ATRX: variants seen among roughly 807,000 people sequenced by gnomAD.
ATRX encodes chromatin remodeler ATRX.
Under a neutral mutation model 172.6 loss-of-function variants are expected in ATRX, and 12 were observed. The ratio of observed to expected loss-of-function variants is 0.07; its 90% CI spans 0.04 to 0.11. The LOEUF (loss-of-function observed/expected upper bound fraction) is 0.11. ATRX is among the 10% of genes least tolerant of loss of function. The pLI, the probability that ATRX is intolerant of heterozygous loss-of-function variation, is 1.00. For missense variants in ATRX, 1,368 were observed against 1,767.4 expected (o/e 0.77, Z 4.05); for synonymous variants, 674 against 594.7 (o/e 1.13, Z -1.94).
At chrX:77,624,353 C>T (rs1449082989) in intron 19 of ATRX, among the ~76,000 whole-genome samples, 1 of 109,645 alleles carries the variant, frequency 9.1e-6, no homozygotes, top group Non-Finnish European at 1.9e-5. Flanking sequence ...GGCGACAGAG[C>T]GAGACTCCAT....
chrX:77,753,391 T>G (rs1470381143), intron 1 of ATRX, among the ~76,000 whole-genome samples: 4 of 111,214 alleles, frequency 3.6e-5, no homozygotes, highest in Admixed American at 1.9e-4. Context: ...ATGGTCTATT[T>G]TGTTAATCTT....
At chrX:77,670,754 CAA>C (rs1184577252) in intron 10 of ATRX, among the ~76,000 whole-genome samples, 5 of 62,858 alleles carry the variant, frequency 8.0e-5, no homozygotes, top group African/African-American at 1.2e-4. Context: ...GACTCTGTCT[CAA>C]AAAAAAAAAA....
chrX:77,738,721 G>A (rs1679690155), intron 1 of ATRX, among the ~76,000 whole-genome samples: 1 of 107,992 alleles, frequency 9.3e-6, no homozygotes, highest in Admixed American at 1.0e-4. Context: ...GCGCCCCAAC[G>A]CCCGGCTAAT....
intron 34 of ATRX, among the ~76,000 whole-genome samples, chrX:77,509,476 G>A (rs1470168920): frequency 1.8e-5 from 2 of 111,971 alleles, no homozygotes; most frequent in Non-Finnish European, 3.8e-5. Context: ...AAAATCAGGT[G>A]AGCAATCACT....
At chrX:77,646,619 A>T (rs782547095) in intron 15 of ATRX, among the ~76,000 whole-genome samples, 1 of 111,809 alleles carries the variant, frequency 8.9e-6, no homozygotes. Flanking sequence ...TAGGACTCGA[A>T]TAACACTATA....
intron 27 of ATRX, among the ~76,000 whole-genome samples, chrX:77,582,432 G>A (rs1557074595): frequency 9.2e-6 from 1 of 109,143 alleles, no homozygotes; most frequent in Admixed American, 9.8e-5. Context: ...AAAAAGAAGA[G>A]AAGAGAAGAA....
intron 1 of ATRX, among the ~76,000 whole-genome samples, chrX:77,736,375 A>G (rs1439879261): frequency 8.9e-6 from 1 of 112,541 alleles, no homozygotes. Flanking sequence ...ACAGAATAAA[A>G]ATCTAATAAT....
At chrX:77,583,819 A>C (rs2065914806) in intron 27 of ATRX, among the ~76,000 whole-genome samples, 1 of 111,668 alleles carries the variant, frequency 9.0e-6, no homozygotes, top group African/African-American at 3.3e-5. Flanking sequence ...ACAAGAAATA[A>C]GGGGCATCAA....
At chrX:77,539,639 A>C (rs1305151973) in intron 30 of ATRX, among the ~76,000 whole-genome samples, 2 of 111,711 alleles carry the variant, frequency 1.8e-5, no homozygotes, top group Non-Finnish European at 3.8e-5. Flanking sequence ...CCTACAAGCC[A>C]GAAGAGAATG....
At chrX:77,742,136 ATAAT>A (rs1204792501) in intron 1 of ATRX, among the ~76,000 whole-genome samples, 4 of 112,031 alleles carry the variant, frequency 3.6e-5, no homozygotes, top group African/African-American at 1.3e-4. Flanking sequence ...ACACTTAAAA[ATAAT>A]TAAAGTGATA....
chrX:77,657,415 A>T (rs1416090862), intron 12 of ATRX, among the ~76,000 whole-genome samples: 1 of 111,623 alleles, frequency 9.0e-6, no homozygotes, highest in African/African-American at 3.3e-5. Context: ...AGAAAAAAAT[A>T]CAAGATAAGC....
intron 22 of ATRX, among the ~76,000 whole-genome samples, chrX:77,611,114 T>C (rs1228231774): frequency 5.4e-5 from 6 of 111,027 alleles, no homozygotes; most frequent in African/African-American, 2.0e-4. Context: ...TATAAGATTA[T>C]AGGTAGTTTT....
chrX:77,542,089 CCTT>C (rs1306673604), intron 30 of ATRX, among the ~76,000 whole-genome samples: 7 of 112,026 alleles, frequency 6.2e-5, no homozygotes, highest in Non-Finnish European at 1.3e-4. Flanking sequence ...CCCAAAATCT[CCTT>C]AAGCTGATAA....
At position 77,633,301 on chromosome X, in the gene ATRX, G is replaced by A. The variant is rs2068195763; in HGVS notation, c.5040C>T (p.Ile1680=). 1 of 1,207,878 alleles carries A rather than the reference G, an allele frequency of 8.3e-7. No individual in the cohort carries two copies. Among genetic ancestry groups the A allele is most frequent in the Non-Finnish European group, 1.1e-6 (1 of 893,787 alleles). The part of the protein sequence containing the change: ...QRWQEDGGVM[I]IGYEMYRNLA... ...GATTTCTATACATCTCATAGCCTAT[G>A]ATCATAACACCACCATCTTCTTGCC... Residue 1680 remains isoleucine (I), a synonymous_variant, in exon 19 of 35, where the codon ATC becomes ATT. Coordinates refer to ENST00000373344, the MANE Select transcript of ATRX (RefSeq NM_000489.6).
At chrX:77,596,933 T>G (rs1054255836) in intron 25 of ATRX, 1 of 110,879 alleles carries the variant, frequency 9.0e-6, no homozygotes. Context: ...AGCCATAAGT[T>G]ATGAGAAAAA....
intron 30 of ATRX, among the ~76,000 whole-genome samples, chrX:77,555,386 A>G (rs1557058407): frequency 8.9e-6 from 1 of 111,766 alleles, no homozygotes; most frequent in African/African-American, 3.3e-5. Flanking sequence ...AAATCATTCT[A>G]CTATAAAGAC....
intron 30 of ATRX, among the ~76,000 whole-genome samples, chrX:77,528,261 C>T (rs2063463244): frequency 8.9e-6 from 1 of 112,067 alleles, no homozygotes; most frequent in South Asian, 3.7e-4. Flanking sequence ...TGGGAGGGAG[C>T]TCCCCAGGGG....
At chrX:77,592,256 A>G (rs1446022140) in intron 26 of ATRX, among the ~76,000 whole-genome samples, 1 of 108,569 alleles carries the variant, frequency 9.2e-6, no homozygotes, top group Non-Finnish European at 1.9e-5. Flanking sequence ...TATTAAAAAA[A>G]CAAAATTAGC....
intron 5 of ATRX, 110 bp from the exon 6 acceptor site, chrX:77,694,047 A>G (rs1309572718): frequency 1.6e-5 from 10 of 625,684 alleles, no homozygotes; most frequent in Non-Finnish European, 2.3e-5. Context: ...TGTTTCTTTC[A>G]AGCTTTAGAT....
Sources: allele counts gnomAD v4.1 joint callset (sites outside exome capture counted in the v4.1 genomes callset), GRCh38; gene constraint gnomAD v4.1.1; transcripts MANE v1.5; gene names NCBI Gene and HGNC (gene_info 2026-07-23, HGNC 2026-07-21).